VTA1: variants seen among roughly 807,000 people sequenced by gnomAD.
The protein encoded by VTA1 is vacuolar protein sorting-associated protein VTA1 homolog.
Under a neutral mutation model 36.9 loss-of-function variants are expected in VTA1, and 24 were observed. That is an observed-to-expected ratio of 0.65 (90% CI 0.47 to 0.91). VTA1 has a LOEUF of 0.91. Among genes scored for constraint, VTA1 ranks in the 40% least tolerant of loss-of-function variants. The probability of loss-of-function intolerance (pLI) is 0.00; values close to 1 mark genes in which losing one functional copy is unlikely to be tolerated. For synonymous variants in VTA1, 142 were observed against 130.2 expected (o/e 1.09, Z -0.62); for missense variants, 393 against 377.2 (o/e 1.04, Z -0.35).
At position 142,223,910 on chromosome 6, in the gene VTA1, C is replaced by T. The variant is rs911299907; in HGVS notation, c.*5267C>T. 2 of 151,242 alleles carry T rather than the reference C, an allele frequency of 1.3e-5. No individual in the cohort carries two copies. The highest frequency in any genetic ancestry group is 2.9e-5 in the Non-Finnish European group (2 of 67,960). The allele number at this position is 151,242 out of a possible 1,614,324, so 9.4% of individuals were successfully genotyped here. On this transcript the variant is annotated 3_prime_UTR_variant, in exon 8 of 8. Transcript: ENST00000367630. ...ACAAATGTGGGCAATTCAGGTAACT[C>T]GAGTAATTTAGTGTTACTATGCATA...
chr6:142,172,342 A>C (rs1435115340), intron 4 of VTA1, among the ~76,000 whole-genome samples: 1 of 152,184 alleles, frequency 6.6e-6, no homozygotes, highest in African/African-American at 2.4e-5. Flanking sequence ...CTGTCCCTTT[A>C]ATTTCAAAAC....
In VTA1 at chr6:142,196,186, G is replaced by A. The variant is rs112628327; in HGVS notation, c.521-2253G>A. ...ATATCTTGCTGATGTTCCTGGTTAC[G>A]AATTCTATTTGGCCGGATTTTAAAG... is the stretch of plus-strand genomic sequence containing the variant. On this transcript the variant is annotated intron_variant, in intron 5 of 7. Transcript: ENST00000367630. 1.1e-3 allele frequency among the ~76,000 whole-genome samples: 168 copies of A among 152,122 alleles called. 1 individual carries two copies. The highest frequency in any genetic ancestry group is 2.9e-3 in the African/African-American group (122 of 41,514).
Position 142,164,573 on chromosome 6 carries a change from G to A in VTA1, c.113-1655G>A, listed in dbSNP as rs949764920. Among the ~76,000 whole-genome samples the A allele has an allele frequency of 8.6e-5, 13 of 152,016 alleles. No individual in the cohort carries two copies. The South Asian group carries it at 1.5e-3, about 17-fold the overall frequency. ...GATATGATAAATAGGTAACTGTTTC[G>A]TGTGTATATTAATTTTTAAAGAGAA... On this transcript the variant is annotated intron_variant, in intron 1 of 7. Coordinates refer to ENST00000367630, the MANE Select transcript of VTA1 (RefSeq NM_016485.5).
chr6:142,181,763 T>G (rs1358017363), intron 4 of VTA1, among the ~76,000 whole-genome samples: 1 of 152,120 alleles, frequency 6.6e-6, no homozygotes, highest in African/African-American at 2.4e-5. Context: ...AGGAGTTATA[T>G]TTAAGTCTTT....
At chr6:142,165,449 C>T (rs554853652) in intron 1 of VTA1, among the ~76,000 whole-genome samples, 4 of 152,246 alleles carry the variant, frequency 2.6e-5, no homozygotes, top group East Asian at 1.9e-4. Context: ...TCAAAAACTT[C>T]GTTGCATTTT....
intron 4 of VTA1, among the ~76,000 whole-genome samples, chr6:142,180,902 T>G (rs1253956411): frequency 6.6e-6 from 1 of 151,272 alleles, no homozygotes; most frequent in Non-Finnish European, 1.5e-5. Flanking sequence ...GATCTGGGCC[T>G]GGGGGGAAAA....
At chr6:142,195,334 C>T (rs1479746298) in intron 5 of VTA1, among the ~76,000 whole-genome samples, 1 of 151,954 alleles carries the variant, frequency 6.6e-6, no homozygotes, top group African/African-American at 2.4e-5. Context: ...GTGATTTGTT[C>T]ATTTCCCTGA....
intron 2 of VTA1, among the ~76,000 whole-genome samples, chr6:142,167,490 CAAAT>C (rs905511768): frequency 2.0e-5 from 3 of 152,172 alleles, no homozygotes; most frequent in African/African-American, 7.2e-5. Context: ...AAAATTTAGA[CAAAT>C]AAAAACCAAA....
intron 5 of VTA1, among the ~76,000 whole-genome samples, chr6:142,198,104 AATAT>A (rs1208220113): frequency 1.0e-3 from 52 of 51,880 alleles, no homozygotes; most frequent in African/African-American, 2.6e-3. Context: ...CTCAAAAAAA[AATAT>A]ATATATATAT....
intron 2 of VTA1, among the ~76,000 whole-genome samples, chr6:142,168,265 A>AT (rs1000834296): frequency 3.0e-4 from 45 of 149,926 alleles, no homozygotes; most frequent in African/African-American, 6.1e-4. Flanking sequence ...ATCTGTGGGG[A>AT]TTTTTTTTTT....
intron 5 of VTA1, among the ~76,000 whole-genome samples, chr6:142,194,750 A>G (rs1028816129): frequency 1.2e-4 from 18 of 152,104 alleles, no homozygotes; most frequent in African/African-American, 3.6e-4. Context: ...TTTCTTGACT[A>G]TTGTGCCAGT....
intron 1 of VTA1, among the ~76,000 whole-genome samples, chr6:142,158,839 A>C (rs967098529): frequency 6.6e-6 from 1 of 152,030 alleles, no homozygotes; most frequent in Non-Finnish European, 1.5e-5. Flanking sequence ...ATCATAGTCT[A>C]CTGTCTCATA....
intron 7 of VTA1, among the ~76,000 whole-genome samples, chr6:142,215,204 C>T (rs549475689): frequency 1.1e-4 from 17 of 152,090 alleles, no homozygotes; most frequent in Admixed American, 6.5e-4. Context: ...TTTGGGAGGC[C>T]GAGATGGGTG....
intron 7 of VTA1, among the ~76,000 whole-genome samples, chr6:142,208,398 GA>G (rs889158785): frequency 2.0e-5 from 3 of 151,728 alleles, no homozygotes; most frequent in African/African-American, 7.3e-5. Context: ...TCAGAAGAAG[GA>G]AAAAAAGAGA....
At chr6:142,163,349 C>T (rs907494563) in intron 1 of VTA1, among the ~76,000 whole-genome samples, 2 of 152,022 alleles carry the variant, frequency 1.3e-5, no homozygotes, top group African/African-American at 4.8e-5. Context: ...GCTGTCATTC[C>T]CCCTTTTATG....
At position 142,198,665 on chromosome 6, in the gene VTA1, G is replaced by A. The variant is rs745458687; in HGVS notation, c.697+50G>A. On this transcript the variant is annotated intron_variant, in intron 6 of 7. Transcript: ENST00000367630. ...TATTTAATTCCCCTTTTATAAAGAA[G>A]AACTGCATTTCTTATCACATATGTG... 45 of 1,517,556 alleles carry A rather than the reference G, an allele frequency of 3.0e-5. No homozygotes were observed. In the Admixed American group the frequency reaches 7.6e-4, roughly 26 times the overall value. 94.0% of individuals were successfully genotyped at this position (1,517,556 alleles called of 1,614,324 possible).
At position 142,166,259 on chromosome 6, in the gene VTA1, G is replaced by T. The variant is rs1201808381; in HGVS notation, c.144G>T (p.Lys48Asn). 1 of 1,612,008 alleles carries T rather than the reference G, an allele frequency of 6.2e-7. No homozygotes were observed. The highest frequency in any genetic ancestry group is 1.3e-5 in the African/African-American group (1 of 74,868). Residue 48 changes from lysine to asparagine, a missense_variant, in exon 2 of 8, where the codon AAG becomes AAT. Transcript: ENST00000367630. ...TATACGCAATGCAGACTGGAATGAAGATCGATAGTAAAACTCCTGAATGTC... is the reference window on the plus strand; with the variant it reads ...TATACGCAATGCAGACTGGAATGAATATCGATAGTAAAACTCCTGAATGTC... The part of the protein sequence containing the change: ...CRLYAMQTGM[K>N]IDSKTPECRK...
intron 7 of VTA1, among the ~76,000 whole-genome samples, chr6:142,213,463 T>G (rs1775941145): frequency 6.6e-6 from 1 of 152,084 alleles, no homozygotes; most frequent in African/African-American, 2.4e-5. Flanking sequence ...CATTCTGAGG[T>G]CTAGAGGATG....
chr6:142,194,508 TTTCA>T (rs1342358259), intron 5 of VTA1, among the ~76,000 whole-genome samples: 1 of 152,188 alleles, frequency 6.6e-6, no homozygotes, highest in Non-Finnish European at 1.5e-5. Context: ...TTTTGTGTCC[TTTCA>T]TTCTCTTGTA....
Sources: gnomAD v4.1 joint callset for allele counts (sites outside exome capture counted in the v4.1 genomes callset) on GRCh38, gnomAD v4.1.1 for gene constraint, MANE v1.5 for transcripts, NCBI Gene and HGNC (gene_info 2026-07-23, HGNC 2026-07-21) for gene names.